Variants in HIP1 observed in about 807,000 individuals in gnomAD.
The protein encoded by HIP1 is huntingtin-interacting protein 1.
Under a neutral mutation model 147.6 loss-of-function variants are expected in HIP1, and 65 were observed. That is an observed-to-expected ratio of 0.44 (90% CI 0.36 to 0.54). The LOEUF (loss-of-function observed/expected upper bound fraction) is 0.54. HIP1 is among the 20% of genes least tolerant of loss of function. The pLI is 0.00. For synonymous variants in HIP1, 479 were observed against 504.0 expected (o/e 0.95, Z 0.67); for missense variants, 1,061 against 1,299.6 (o/e 0.82, Z 2.82).
At chr7:75,710,896 T>C (rs1316917247) in intron 1 of HIP1, among the ~76,000 whole-genome samples, 2 of 152,150 alleles carry the variant, frequency 1.3e-5, no homozygotes, top group Non-Finnish European at 2.9e-5. Flanking sequence ...CCATAGACTA[T>C]AAAGAACATT....
intron 1 of HIP1, among the ~76,000 whole-genome samples, chr7:75,659,748 C>T (rs1554513302): frequency 6.6e-6 from 1 of 152,208 alleles, no homozygotes; most frequent in Non-Finnish European, 1.5e-5. Flanking sequence ...TCACGGTCTT[C>T]CTCTTAGCAG....
At chr7:75,672,078 G>A (rs1799744392) in intron 1 of HIP1, among the ~76,000 whole-genome samples, 1 of 152,152 alleles carries the variant, frequency 6.6e-6, no homozygotes, top group African/African-American at 2.4e-5. Context: ...CAGATGTGAG[G>A]TGTTATCTCA....
chr7:75,736,788 G>T (rs782062414), intron 1 of HIP1, among the ~76,000 whole-genome samples: 1 of 151,816 alleles, frequency 6.6e-6, no homozygotes, highest in Non-Finnish European at 1.5e-5. Context: ...AGGTAGAGAA[G>T]ACTCCCTGCT....
intron 1 of HIP1, among the ~76,000 whole-genome samples, chr7:75,650,516 G>A (rs1001583056): frequency 6.8e-6 from 1 of 146,780 alleles, no homozygotes; most frequent in African/African-American, 2.5e-5. Context: ...GCAATGGTGC[G>A]ATCTTGGCTC....
At position 75,665,429 on chromosome 7, in the gene HIP1, G is replaced by GCACAAAAGGGC. The variant is rs1170794785; in HGVS notation, c.121-66193_121-66183dup. Among the ~76,000 whole-genome samples, 92 of 152,264 alleles carry GCACAAAAGGGC rather than the reference G, an allele frequency of 6.0e-4. 1 individual carries two copies. Among genetic ancestry groups the GCACAAAAGGGC allele is most frequent in the African/African-American group, 2.2e-3 (92 of 41,552 alleles). On this transcript the variant is annotated intron_variant, in intron 1 of 30. Coordinates refer to ENST00000336926, the MANE Select transcript of HIP1 (RefSeq NM_005338.7). ...GTATCTGTGGAGAGAACCACGTGGG[G>GCACAAAAGGGC]CACAAAAGGGCCACTGAGCAGTGTT...
At position 75,582,137 on chromosome 7, in the gene HIP1, TG is replaced by T. The variant is rs1796078023; in HGVS notation, c.479del (p.Pro160GlnfsTer6). On this transcript the variant is annotated frameshift_variant, in exon 6 of 31. Transcript: ENST00000336926. LOFTEE classifies it high-confidence loss of function. Reference sequence around the variant, plus strand: ...GGCGGTCACTCATCTGCAGGTTGCCTGGGAACCTGGGATTCTGGAAGGGAGG... The same window carrying T: ...GGCGGTCACTCATCTGCAGGTTGCCTGGAACCTGGGATTCTGGAAGGGAGG... The part of the protein sequence containing the change: ...MEYHTKNPRF[P>X]GNLQMSDRQL... 6.2e-7 allele frequency: 1 copy of T among 1,613,716 alleles called. No homozygotes were observed.
chr7:75,618,846 A>G (rs1584887963), intron 1 of HIP1, among the ~76,000 whole-genome samples: 1 of 150,698 alleles, frequency 6.6e-6, no homozygotes, highest in Non-Finnish European at 1.5e-5. Context: ...TCCCTTGAGC[A>G]CATCCTTTTT....
At chr7:75,562,899 AG>A (rs782419182) in intron 11 of HIP1, 35 bp downstream of exon 11, 1 of 1,611,228 alleles carries the variant, frequency 6.2e-7, no homozygotes, top group South Asian at 1.1e-5. Flanking sequence ...TGCAGGTGAG[AG>A]GAAAGGCCAA....
intron 1 of HIP1, among the ~76,000 whole-genome samples, chr7:75,709,111 T>TC (rs1274392088): frequency 6.8e-6 from 1 of 147,726 alleles, no homozygotes; most frequent in Non-Finnish European, 1.5e-5. Context: ...TTTCTTTTCT[T>TC]TTTTTTTTTT....
chr7:75,589,903 T>C (rs1160661817), intron 4 of HIP1, among the ~76,000 whole-genome samples: 2 of 151,718 alleles, frequency 1.3e-5, no homozygotes, highest in Non-Finnish European at 2.9e-5. Context: ...GCTAATTTTC[T>C]GTATTTTTTT....
intron 1 of HIP1, among the ~76,000 whole-genome samples, chr7:75,619,277 C>G (rs1461956578): frequency 6.6e-6 from 1 of 152,046 alleles, no homozygotes; most frequent in African/African-American, 2.4e-5. Flanking sequence ...AATCCCAGCA[C>G]TTTGGGAAGC....
chr7:75,678,340 C>CT (rs782045169), intron 1 of HIP1, among the ~76,000 whole-genome samples: 5,635 of 86,312 alleles, frequency 0.065, 294 homozygotes, highest in East Asian at 0.15. Flanking sequence ...TTCCTTTATT[C>CT]TTTTTTTTTT....
chr7:75,539,795 T>C (rs1483675939), intron 29 of HIP1, among the ~76,000 whole-genome samples: 7 of 152,228 alleles, frequency 4.6e-5, no homozygotes, highest in African/African-American at 1.7e-4. Context: ...CTTTACTCAC[T>C]GTGATCTTCT....
At chr7:75,699,666 C>T (rs781845624) in intron 1 of HIP1, among the ~76,000 whole-genome samples, 9 of 152,156 alleles carry the variant, frequency 5.9e-5, no homozygotes, top group Admixed American at 1.3e-4. Context: ...TTACTCACAT[C>T]GTCCTCCTCT....
intron 21 of HIP1, 145 bp downstream of exon 21, chr7:75,553,968 C>T (rs1729058794): frequency 8.1e-6 from 5 of 619,028 alleles, no homozygotes; most frequent in East Asian, 2.8e-5. Context: ...TGTTCTTGAA[C>T]TCCCGACCTC....
At chr7:75,730,778 G>A (rs1410248678) in intron 1 of HIP1, among the ~76,000 whole-genome samples, 2 of 150,916 alleles carry the variant, frequency 1.3e-5, no homozygotes, top group Non-Finnish European at 2.9e-5. Flanking sequence ...TGTTGCCCAG[G>A]CTGGAGTGCA....
chr7:75,574,045 A>ATGAGATAGGT, intron 7 of HIP1, 144 bp from the exon 8 acceptor site: 1 of 624,712 alleles, frequency 1.6e-6, no homozygotes, highest in South Asian at 2.1e-5. Context: ...TAACCTTCAC[A>ATGAGATAGGT]ACACTCCCAT....
At chr7:75,644,156 A>G (rs1584914595) in intron 1 of HIP1, among the ~76,000 whole-genome samples, 2 of 152,170 alleles carry the variant, frequency 1.3e-5, no homozygotes, top group East Asian at 3.8e-4. Context: ...TACCTGAAAA[A>G]CAGGCTAATA....
chr7:75,613,661 C>T (rs587738045), intron 1 of HIP1, among the ~76,000 whole-genome samples: 3 of 152,292 alleles, frequency 2.0e-5, no homozygotes, highest in South Asian at 2.1e-4. Flanking sequence ...CATCTGAGAG[C>T]GCCTCCTCTC....
Sources: gnomAD v4.1 joint callset for allele counts (sites outside exome capture counted in the v4.1 genomes callset) on GRCh38, gnomAD v4.1.1 for gene constraint, MANE v1.5 for transcripts, NCBI Gene and HGNC (gene_info 2026-07-23, HGNC 2026-07-21) for gene names.